DNAH9: variants seen among roughly 807,000 people sequenced by gnomAD.
The protein encoded by DNAH9 is DNAH9 variant protein.
Under a neutral mutation model 471.6 loss-of-function variants are expected in DNAH9, and 345 were observed. The observed-to-expected ratio is 0.73, with a 90% confidence interval of 0.67 to 0.80. The LOEUF is 0.80. Ranked by LOEUF, DNAH9 falls within the 30% of genes least tolerant of loss-of-function variation. The pLI is 0.00. For synonymous variants in DNAH9, 2,093 were observed against 2,123.6 expected (o/e 0.99, Z 0.40); for missense variants, 5,407 against 5,609.2 (o/e 0.96, Z 1.15).
chr17:11,899,761 C>T (rs1024600061), intron 59 of DNAH9, among the ~76,000 whole-genome samples: 4 of 152,118 alleles, frequency 2.6e-5, no homozygotes, highest in Admixed American at 6.5e-5. Flanking sequence ...GTCAGCTCCT[C>T]GGCACAGAGA....
chr17:11,681,752 C>T (rs960168299), intron 19 of DNAH9, among the ~76,000 whole-genome samples: 3 of 151,884 alleles, frequency 2.0e-5, no homozygotes, highest in African/African-American at 7.3e-5. Context: ...GTTATTTGCC[C>T]ACAGAAATAT....
chr17:11,628,588 C>A (rs1218029273), intron 6 of DNAH9, among the ~76,000 whole-genome samples: 5 of 152,170 alleles, frequency 3.3e-5, no homozygotes, highest in South Asian at 2.1e-4. Flanking sequence ...GGGCGCCCTG[C>A]AGGAGATGTG....
At chr17:11,823,177 A>G (rs765401943) in intron 48 of DNAH9, 143 bp downstream of exon 48, 18 of 725,318 alleles carry the variant, frequency 2.5e-5, no homozygotes, top group African/African-American at 3.6e-5. Flanking sequence ...AGTATCTATT[A>G]TGTTCTCGTG....
chr17:11,604,076 G>A (rs936094505), intron 1 of DNAH9, among the ~76,000 whole-genome samples: 4 of 150,992 alleles, frequency 2.6e-5, no homozygotes, highest in Non-Finnish European at 4.4e-5. Flanking sequence ...AGGCTGGAGT[G>A]CAGTGGCATG....
At chr17:11,723,681 T>C (rs1260845983) in intron 27 of DNAH9, among the ~76,000 whole-genome samples, 1 of 152,192 alleles carries the variant, frequency 6.6e-6, no homozygotes, top group Admixed American at 6.5e-5. Context: ...TTTTTCTTTT[T>C]TTTTGAGATG....
At chr17:11,905,232 CA>C (rs34723706) in intron 60 of DNAH9, among the ~76,000 whole-genome samples, 84,277 of 137,284 alleles carry the variant, frequency 0.61, 27,450 homozygotes, top group Middle Eastern at 0.75. Context: ...GAATCCATCT[CA>C]AAAAAAAAAA....
intron 12 of DNAH9, among the ~76,000 whole-genome samples, chr17:11,648,889 G>A (rs542073625): frequency 2.6e-5 from 4 of 152,224 alleles, no homozygotes; most frequent in South Asian, 2.1e-4. Flanking sequence ...ACTTTGGGAG[G>A]CTGAGGTGAG....
intron 63 of DNAH9, among the ~76,000 whole-genome samples, 197 bp downstream of exon 63, chr17:11,930,290 G>T (rs1385096273): frequency 6.6e-6 from 1 of 152,166 alleles, no homozygotes; most frequent in Admixed American, 6.5e-5. Flanking sequence ...AACCCCAGGG[G>T]AGTAGAGCTC....
intron 43 of DNAH9, among the ~76,000 whole-genome samples, chr17:11,806,487 C>T (rs1338304339): frequency 6.6e-6 from 1 of 151,978 alleles, no homozygotes; most frequent in Non-Finnish European, 1.5e-5. Context: ...CTACACAATA[C>T]CATTCTACCA....
At chr17:11,732,547 G>A (rs1166303218) in intron 28 of DNAH9, among the ~76,000 whole-genome samples, 1 of 151,798 alleles carries the variant, frequency 6.6e-6, no homozygotes, top group African/African-American at 2.4e-5. Flanking sequence ...TTATGCTGCT[G>A]GTCCACAGCA....
chr17:11,744,922 C>G lies in DNAH9; in HGVS notation c.6237C>G (p.Ile2079Met), dbSNP rs1376325229. 1.9e-6 allele frequency: 3 copies of G among 1,614,178 alleles called. No homozygotes were observed. The highest frequency in any genetic ancestry group is 1.7e-6 in the Non-Finnish European group (2 of 1,180,038). Residue 2079 changes from isoleucine (I) to methionine (M), a missense_variant, in exon 31 of 69, where the codon ATC (isoleucine) becomes ATG (methionine). Around this residue, in one of 3 missense-constraint regions of DNAH9, gnomAD observed 4,636 missense variants for 4,900.3 expected, o/e 0.95. Transcript: ENST00000262442. The stretch of plus-strand genomic sequence containing the variant: ...TGCGCTCCTTGCGGGATTTCAACAT[C>G]CCCAAGATTGTGACTGATGACATGC... ...VLMRSLRDFNIPKIVTDDMPI... is the reference protein window; with the variant it reads ...VLMRSLRDFNMPKIVTDDMPI...
At chr17:11,877,221 A>G (rs1456710871) in intron 53 of DNAH9, among the ~76,000 whole-genome samples, 2 of 151,572 alleles carry the variant, frequency 1.3e-5, no homozygotes, top group Non-Finnish European at 2.9e-5. Context: ...GCCTGTAATC[A>G]TAGCACTTTG....
At chr17:11,717,700 T>A (rs1472608893) in intron 26 of DNAH9, among the ~76,000 whole-genome samples, 1 of 152,162 alleles carries the variant, frequency 6.6e-6, no homozygotes, top group East Asian at 1.9e-4. Flanking sequence ...TACAACTGGA[T>A]GATTTTTAGT....
chr17:11,669,120 G>C lies in DNAH9; in HGVS notation c.2788G>C (p.Glu930Gln). ...FEAQLSLAIPELVFYPSLESG... is the reference protein window; with the variant it reads ...FEAQLSLAIPQLVFYPSLESG... ...AGCACAACTGAGTCTAGCCATCCCA[G>C]AGCTAGTTTTCTATCCGTCTCTGGA... The change falls in exon 16 of 69, where the codon GAG (glutamate) becomes CAG (glutamine). Residue 930 changes from glutamate to glutamine, a missense_variant. Physicochemically the swap from Glu to Gln is conservative, Grantham distance 29. This residue lies in a region of DNAH9 where 4,636 missense variants were observed against 4,900.3 expected (regional missense o/e 0.95). Transcript: ENST00000262442. 6.2e-7 allele frequency: 1 copy of C among 1,613,912 alleles called. No homozygotes were observed. The highest frequency in any genetic ancestry group is 8.5e-7 in the Non-Finnish European group (1 of 1,179,834).
intron 6 of DNAH9, among the ~76,000 whole-genome samples, chr17:11,621,621 C>T (rs1242307125): frequency 6.6e-6 from 1 of 152,112 alleles, no homozygotes; most frequent in East Asian, 1.9e-4. Flanking sequence ...CACCATGTGC[C>T]AGGCACGGAG....
chr17:11,703,458 A>G (rs2074639391), intron 24 of DNAH9, among the ~76,000 whole-genome samples: 1 of 152,190 alleles, frequency 6.6e-6, no homozygotes, highest in Admixed American at 6.5e-5. Flanking sequence ...CTATTGCAGT[A>G]AATGTCATCT....
chr17:11,828,408 G>A (rs935793849), intron 48 of DNAH9, among the ~76,000 whole-genome samples: 3 of 148,146 alleles, frequency 2.0e-5, no homozygotes, highest in African/African-American at 7.5e-5. Flanking sequence ...GGGCGGTGGA[G>A]GTTGCAGTGA....
chr17:11,704,818 G>A (rs979978076), intron 25 of DNAH9, among the ~76,000 whole-genome samples: 16 of 152,230 alleles, frequency 1.1e-4, no homozygotes, highest in African/African-American at 3.8e-4. Context: ...CCTGACCTCG[G>A]GTGATCCGCC....
intron 67 of DNAH9, among the ~76,000 whole-genome samples, chr17:11,942,896 C>CTT (rs71142257): frequency 0.023 from 2,952 of 127,876 alleles, 120 homozygotes; most frequent in African/African-American, 0.07. Context: ...CTTGTTTTTT[C>CTT]TTTTTTTTTT....
Sources: allele counts gnomAD v4.1 joint callset (sites outside exome capture counted in the v4.1 genomes callset), GRCh38; gene constraint gnomAD v4.1.1; regional missense constraint gnomAD v4.1.1; transcripts MANE v1.5; gene names NCBI Gene and HGNC (gene_info 2026-07-23, HGNC 2026-07-21).